The following KICS2 variants were observed in gnomAD, a reference collection of about 807,000 sequenced individuals.
KICS2 encodes KICSTOR complex protein C12orf66.
Under a neutral mutation model 31.4 loss-of-function variants are expected in KICS2, and 13 were observed. That is an observed-to-expected ratio of 0.41 (90% CI 0.27 to 0.66). The LOEUF (loss-of-function observed/expected upper bound fraction) is 0.66, where lower values mean the gene tolerates loss of function less well. KICS2 is among the 30% of genes least tolerant of loss of function. The pLI, the probability that KICS2 is intolerant of heterozygous loss-of-function variation, is 0.28. For missense variants in KICS2, 455 were observed against 545.4 expected, an observed-to-expected ratio of 0.83 and a Z score of 1.65; for synonymous variants, 209 against 214.8, an observed-to-expected ratio of 0.97 and a Z score of 0.24.
intron 2 of KICS2, among the ~76,000 whole-genome samples, chr12:64,208,141 C>T (rs2037555908): frequency 6.6e-6 from 1 of 152,164 alleles, no homozygotes; most frequent in East Asian, 1.9e-4. Context: ...TCCCAAGTAC[C>T]TGGGATTACA....
At chr12:64,221,817 C>T (rs2037686192) in intron 1 of KICS2, 186 bp downstream of exon 1, 7 of 690,912 alleles carry the variant, frequency 1.0e-5, no homozygotes, top group Non-Finnish European at 1.7e-5. Flanking sequence ...ATCAGCAGCG[C>T]AGGCCGGTGG....
intron 1 of KICS2, among the ~76,000 whole-genome samples, chr12:64,219,719 A>G (rs2037661920): frequency 6.6e-6 from 1 of 152,270 alleles, no homozygotes; most frequent in African/African-American, 2.4e-5. Flanking sequence ...TTCACAATTT[A>G]CATATACATC....
At chr12:64,195,752 C>T (rs964285535) in intron 2 of KICS2, among the ~76,000 whole-genome samples, 8 of 152,358 alleles carry the variant, frequency 5.3e-5, no homozygotes, top group South Asian at 2.1e-4. Context: ...ACGCACCGTG[C>T]GCGAGCCGAA....
Position 64,193,284 on chromosome 12 carries a change from C to T in KICS2, c.*558G>A, listed in dbSNP as rs2037399015. ...TACCAATCTGACTCACTTTCAGTTTCAATAACTGATAGAAATTTCTTACCA... is the reference window on the plus strand; with the variant it reads ...TACCAATCTGACTCACTTTCAGTTTTAATAACTGATAGAAATTTCTTACCA... On this transcript the variant is annotated 3_prime_UTR_variant, in exon 3 of 3. Transcript: ENST00000398055. 1.0e-6 allele frequency: 1 copy of T among 985,670 alleles called. No homozygotes were observed. The highest frequency in any genetic ancestry group is 1.7e-5 in the African/African-American group (1 of 57,226). The allele number at this position is 985,670 out of a possible 1,614,324, so 61.1% of individuals were successfully genotyped here. A position where few individuals can be genotyped will look rare whatever the true frequency, so the allele number is the denominator to read the frequency against.
In KICS2 at chr12:64,203,598, G is replaced by A. The variant is rs932016916; in HGVS notation, c.522-8940C>T. ...TCACTTCATTGTTAATGAAACGGAC[G>A]CTTCTCACACAGCCCTGTTTTGGCT... On this transcript the variant is annotated intron_variant, in intron 2 of 2. Transcript: ENST00000398055. 1.7e-4 allele frequency among the ~76,000 whole-genome samples: 26 copies of A among 152,176 alleles called. 1 individual carries two copies. The South Asian group carries it at 4.1e-3, about 24-fold the overall frequency.
intron 2 of KICS2, among the ~76,000 whole-genome samples, chr12:64,202,297 T>C (rs561473810): frequency 3.3e-5 from 5 of 152,008 alleles, no homozygotes; most frequent in Non-Finnish European, 5.9e-5. Flanking sequence ...CCCCAGCTAC[T>C]CAAATTAGAA....
In KICS2 at chr12:64,222,256, C is replaced by G. The variant is rs2037692211; in HGVS notation, c.-19G>C. 1 of 1,611,812 alleles carries G rather than the reference C, an allele frequency of 6.2e-7. No individual in the cohort carries two copies. Among genetic ancestry groups the G allele is most frequent in the Non-Finnish European group, 8.5e-7 (1 of 1,179,156 alleles). ...CCCCCATGCGAGCTGCGCCCCAGCTCGACCCACGTGGCTCTCCTCGGCCTC... is the reference window on the plus strand; with the variant it reads ...CCCCCATGCGAGCTGCGCCCCAGCTGGACCCACGTGGCTCTCCTCGGCCTC... On this transcript the variant is annotated 5_prime_UTR_variant, in exon 1 of 3. Coordinates refer to ENST00000398055, the MANE Select transcript of KICS2 (RefSeq NM_152440.5).
chr12:64,219,151 C>T lies in KICS2; in HGVS notation c.235+2852G>A, dbSNP rs544704254. Among the ~76,000 whole-genome samples, 3 of 152,288 alleles carry T rather than the reference C, an allele frequency of 2.0e-5. No homozygotes were observed. The South Asian group carries it at 6.2e-4, about 32-fold the overall frequency. On this transcript the variant is annotated intron_variant, in intron 1 of 2. Coordinates refer to ENST00000398055, the MANE Select transcript of KICS2 (RefSeq NM_152440.5). Reference sequence around the variant, plus strand: ...TGAAATTTTAAGTGTATTGAAGGAACGTGTAAAACATCTTGGGCATTTTAT... The same window carrying T: ...TGAAATTTTAAGTGTATTGAAGGAATGTGTAAAACATCTTGGGCATTTTAT...
At chr12:64,209,196 A>G (rs1301963422) in intron 2 of KICS2, among the ~76,000 whole-genome samples, 1 of 152,042 alleles carries the variant, frequency 6.6e-6, no homozygotes, top group African/African-American at 2.4e-5. Context: ...TAATAATTAT[A>G]TTATTAATAT....
Position 64,192,879 on chromosome 12 carries a change from C to G in KICS2, c.*963G>C. 1 of 985,424 alleles carries G rather than the reference C, an allele frequency of 1.0e-6. No homozygotes were observed. The highest frequency in any genetic ancestry group is 1.2e-6 in the Non-Finnish European group (1 of 829,934). The allele number at this position is 985,424 out of a possible 1,614,324, so 61.0% of individuals were successfully genotyped here. On this transcript the variant is annotated 3_prime_UTR_variant, in exon 3 of 3. Transcript: ENST00000398055. ...ATTACTCAACTATGAAGAGGTCTTT[C>G]AAGCGCACAGTTGATTTTTAGCAAG...
chr12:64,209,883 A>G (rs948339559), intron 2 of KICS2, among the ~76,000 whole-genome samples: 1 of 152,238 alleles, frequency 6.6e-6, no homozygotes, highest in African/African-American at 2.4e-5. Context: ...GATCAGCTAC[A>G]CTGGGACATT....
In KICS2 at chr12:64,215,808, A is replaced by C; in HGVS notation, c.391T>G (p.Phe131Val). 6.2e-7 allele frequency: 1 copy of C among 1,614,132 alleles called. No homozygotes were observed. The highest frequency in any genetic ancestry group is 8.5e-7 in the Non-Finnish European group (1 of 1,180,034). Residue 131 changes from phenylalanine to valine, a missense_variant, in exon 2 of 3, where the codon TTC becomes GTC. Physicochemically the swap from Phe to Val is conservative, Grantham distance 50. Transcript: ENST00000398055. The part of the protein sequence containing the change: ...LLSHLSEQLC[F>V]FVQARMEIAD... Reference sequence around the variant, plus strand: ...ATCTCCATCCGAGCCTGAACAAAGAAGCAGAGCTGCTCTGACAGGTGGGAA... The same window carrying C: ...ATCTCCATCCGAGCCTGAACAAAGACGCAGAGCTGCTCTGACAGGTGGGAA...
intron 1 of KICS2, among the ~76,000 whole-genome samples, chr12:64,218,412 T>A (rs1209267614): frequency 6.6e-6 from 1 of 152,204 alleles, no homozygotes; most frequent in African/African-American, 2.4e-5. Context: ...ATTTTTAACA[T>A]AAAACTGGTG....
rs1287925166 is a variant in KICS2, at chr12:64,196,302, G to A, written c.522-1644C>T. ...AGTGGGTTCCTGACCCCTGACCCCC[G>A]AGCAGCCTAACTGGGAGGCACCCCC... On this transcript the variant is annotated intron_variant, in intron 2 of 2. Coordinates refer to ENST00000398055, the MANE Select transcript of KICS2 (RefSeq NM_152440.5). 9.5e-4 allele frequency among the ~76,000 whole-genome samples: 142 copies of A among 150,190 alleles called. 6 individuals carry two copies. Among genetic ancestry groups the A allele is most frequent in the Middle Eastern group, 3.4e-3 (1 of 290 alleles).
chr12:64,214,191 T>C (rs1565719832), intron 2 of KICS2, among the ~76,000 whole-genome samples: 2 of 152,198 alleles, frequency 1.3e-5, no homozygotes, highest in Non-Finnish European at 2.9e-5. Flanking sequence ...TATTCACTCA[T>C]TTATTCAGCA....
At position 64,193,234 on chromosome 12, in the gene KICS2, G is replaced by C; in HGVS notation, c.*608C>G. 1 of 985,518 alleles carries C rather than the reference G, an allele frequency of 1.0e-6. No homozygotes were observed. Among genetic ancestry groups the C allele is most frequent in the Non-Finnish European group, 1.2e-6 (1 of 830,070 alleles). The allele number at this position is 985,518 out of a possible 1,614,324, so 61.0% of individuals were successfully genotyped here. A position where few individuals can be genotyped will look rare whatever the true frequency, so the allele number is the denominator to read the frequency against. Reference sequence around the variant, plus strand: ...ATTAAAGCTGCCATGAGGATCTTCTGAACTGTTAAAACCTTACGTCATGCT... The same window carrying C: ...ATTAAAGCTGCCATGAGGATCTTCTCAACTGTTAAAACCTTACGTCATGCT... On this transcript the variant is annotated 3_prime_UTR_variant, in exon 3 of 3. Transcript: ENST00000398055.
chr12:64,194,312 T>C lies in KICS2; in HGVS notation c.868A>G (p.Thr290Ala), dbSNP rs766005327. ...QTTASEMKTLTAKANPDFFGK... is the reference protein window; with the variant it reads ...QTTASEMKTLAAKANPDFFGK... ...AAAAAGTCTGGGTTAGCTTTTGCTG[T>C]CAACGTTTTCATTTCTGAAGCAGTC... The change falls in exon 3 of 3, where the codon ACA becomes GCA. Residue 290 changes from threonine to alanine, a missense_variant. Transcript: ENST00000398055. 2 of 1,614,136 alleles carry C rather than the reference T, an allele frequency of 1.2e-6. No homozygotes were observed. The highest frequency in any genetic ancestry group is 8.5e-7 in the Non-Finnish European group (1 of 1,180,022).
At chr12:64,204,565 C>CA in intron 2 of KICS2, among the ~76,000 whole-genome samples, 1 of 152,212 alleles carries the variant, frequency 6.6e-6, no homozygotes, top group South Asian at 2.1e-4. Flanking sequence ...GCAGGAGGAT[C>CA]ATTAGGAGCC....
chr12:64,194,164 G>A lies in KICS2; in HGVS notation c.1016C>T (p.Ala339Val). The change falls in exon 3 of 3, where the codon GCC becomes GTC. Residue 339 changes from alanine (A) to valine (V), a missense_variant. By Grantham distance (64) the Ala-to-Val change is moderately conservative. Coordinates refer to ENST00000398055, the MANE Select transcript of KICS2 (RefSeq NM_152440.5). ...TGGATACTGGTCCACACCCTTGGGG[G>A]CCTCTCTGTAGGAATGGGGGTGGTG... ...GYHHPHSYRE[A>V]PKGVDQYPAV... The A allele has an allele frequency of 6.2e-7, 1 of 1,614,132 alleles. No homozygotes were observed. Among genetic ancestry groups the A allele is most frequent in the Non-Finnish European group, 8.5e-7 (1 of 1,180,026 alleles).
Sources: allele counts gnomAD v4.1 joint callset (sites outside exome capture counted in the v4.1 genomes callset), GRCh38; gene constraint gnomAD v4.1.1; transcripts MANE v1.5; gene names NCBI Gene and HGNC (gene_info 2026-07-23, HGNC 2026-07-21).